Variants in GXYLT2 observed in about 807,000 individuals in gnomAD.
GXYLT2 encodes the protein glycosyltransferase 8 domain containing 4.
In GXYLT2, 53 loss-of-function variants were observed where a neutral mutation model predicts 45.8. The observed-to-expected ratio is 1.16, with a 90% CI of 0.93 to 1.46. The LOEUF (loss-of-function observed/expected upper bound fraction) is 1.46. GXYLT2 is among the 40% of genes most tolerant of loss of function. GXYLT2 has a pLI of 0.00. For missense variants in GXYLT2, 551 were observed against 544.4 expected (o/e 1.01, Z -0.12); for synonymous variants, 219 against 214.2 (o/e 1.02, Z -0.19).
chr3:72,926,611 C>T (rs891562953), intron 3 of GXYLT2, among the ~76,000 whole-genome samples: 2 of 152,140 alleles, frequency 1.3e-5, no homozygotes, highest in African/African-American at 4.8e-5. Flanking sequence ...TCACCTTTCC[C>T]CCAATTAATT....
chr3:72,946,268 C>A (rs1710402929), intron 3 of GXYLT2, among the ~76,000 whole-genome samples: 3 of 104,072 alleles, frequency 2.9e-5, no homozygotes, highest in Admixed American at 1.5e-4. Flanking sequence ...CAGAGCAAGA[C>A]CCTGTCTGAA....
At chr3:72,897,223 T>TA (rs948228229) in intron 1 of GXYLT2, among the ~76,000 whole-genome samples, 3 of 152,196 alleles carry the variant, frequency 2.0e-5, no homozygotes, top group Non-Finnish European at 4.4e-5. Context: ...AAAGGGGTTT[T>TA]AACTGGCTCA....
chr3:72,969,909 G>GAAA (rs113943491), intron 6 of GXYLT2, among the ~76,000 whole-genome samples: 10,816 of 103,082 alleles, frequency 0.1, 943 homozygotes, highest in African/African-American at 0.17. Context: ...ATGTGCATTT[G>GAAA]AAAAAAAAAA....
rs138459052 is a variant in GXYLT2, at chr3:72,924,731, T to C, written c.600+2396T>C. On this transcript the variant is annotated intron_variant, in intron 3 of 6. Transcript: ENST00000389617. The stretch of plus-strand genomic sequence containing the variant: ...CTTCATGATTGGCTCGTTGTAAGAG[T>C]TGAAGGGGGAGTGACATGAAAAGGA... Among the ~76,000 whole-genome samples the C allele has an allele frequency of 1.1e-3, 168 of 151,738 alleles. 2 individuals carry two copies. Among genetic ancestry groups the C allele is most frequent in the African/African-American group, 3.7e-3 (154 of 41,322 alleles).
At chr3:72,965,852 C>G (rs951263457) in intron 5 of GXYLT2, among the ~76,000 whole-genome samples, 3 of 152,228 alleles carry the variant, frequency 2.0e-5, no homozygotes, top group African/African-American at 4.8e-5. Flanking sequence ...TTTAGAGATA[C>G]AAACACACCT....
At chr3:72,933,645 G>A (rs1031489384) in intron 3 of GXYLT2, among the ~76,000 whole-genome samples, 12 of 151,760 alleles carry the variant, frequency 7.9e-5, no homozygotes, top group Non-Finnish European at 1.6e-4. Flanking sequence ...ACAGTGGCTC[G>A]TACCTGTAAT....
rs1006245882 is a variant in GXYLT2, at chr3:72,942,655, C to T, written c.601-12443C>T. Among the ~76,000 whole-genome samples, 7 of 151,856 alleles carry T rather than the reference C, an allele frequency of 4.6e-5. No individual in the cohort carries two copies. The South Asian group carries it at 1.2e-3, about 27-fold the overall frequency. On this transcript the variant is annotated intron_variant, in intron 3 of 6. Coordinates refer to ENST00000389617, the MANE Select transcript of GXYLT2 (RefSeq NM_001080393.2). ...TTCACCTCTGTTCTTCCCAATAAAG[C>T]ATAACCTCAATCTAAACATGCGAAA...
intron 2 of GXYLT2, among the ~76,000 whole-genome samples, chr3:72,909,262 G>A (rs1349711645): frequency 2.0e-5 from 3 of 150,536 alleles, no homozygotes; most frequent in Non-Finnish European, 4.4e-5. Flanking sequence ...AGAGATGGGG[G>A]TCTCACCATG....
intron 3 of GXYLT2, among the ~76,000 whole-genome samples, chr3:72,937,881 C>T (rs1710221236): frequency 6.6e-6 from 1 of 152,132 alleles, no homozygotes; most frequent in Admixed American, 6.6e-5. Flanking sequence ...CATATCCTAC[C>T]ATCTTCAAAG....
chr3:72,935,802 G>A (rs1452933242), intron 3 of GXYLT2, among the ~76,000 whole-genome samples: 1 of 152,132 alleles, frequency 6.6e-6, no homozygotes, highest in African/African-American at 2.4e-5. Flanking sequence ...TTTCAGATGT[G>A]CACCGCTTCA....
rs368358185 is a variant in GXYLT2 at position 72,975,032 on chromosome 3, T to C, written c.1205T>C (p.Phe402Ser). 35 of 1,611,546 alleles carry C rather than the reference T, an allele frequency of 2.2e-5. No homozygotes were observed. Among genetic ancestry groups the C allele is most frequent in the African/African-American group, 2.7e-5 (2 of 74,854 alleles). Residue 402 changes from phenylalanine (F) to serine (S), a missense_variant, in exon 7 of 7, where the codon TTT becomes TCT. Phe to Ser is a radical substitution (Grantham distance 155, BLOSUM62 -2). Transcript: ENST00000389617. ...QSMYYPLQLK[F>S]LETVHTLCGR... is the part of the protein sequence containing the mutation. ...ATGTATTACCCCCTTCAGCTGAAGT[T>C]TTTGGAGACTGTGCACACTTTATGT...
chr3:72,964,136 C>T (rs1710817110), intron 5 of GXYLT2, among the ~76,000 whole-genome samples: 1 of 151,836 alleles, frequency 6.6e-6, no homozygotes, highest in Non-Finnish European at 1.5e-5. Context: ...GCTGTTAAAT[C>T]GAGGTGAAAT....
intron 3 of GXYLT2, among the ~76,000 whole-genome samples, chr3:72,945,607 G>T (rs1295644145): frequency 1.3e-5 from 2 of 152,176 alleles, no homozygotes; most frequent in Non-Finnish European, 2.9e-5. Flanking sequence ...GAGCCCTCTG[G>T]GAAAATCTTT....
Position 72,967,554 on chromosome 3 carries a change from C to T in GXYLT2, c.984C>T (p.Leu328=). The T allele has an allele frequency of 6.2e-7, 1 of 1,613,412 alleles. No individual in the cohort carries two copies. ...TTCTCTTTTTACCACCAGAGTGTCT[C>T]TATGTATTCCCCTGCCAGTGGAACT... ...NIIFYFNPEC[L]YVFPCQWNYR... is the part of the protein sequence containing the mutation. Residue 328 remains leucine, a synonymous_variant, in exon 6 of 7, where the codon CTC becomes CTT. Coordinates refer to ENST00000389617, the MANE Select transcript of GXYLT2 (RefSeq NM_001080393.2).
chr3:72,898,888 T>C (rs933930412), intron 1 of GXYLT2, among the ~76,000 whole-genome samples: 1 of 152,140 alleles, frequency 6.6e-6, no homozygotes, highest in Admixed American at 6.6e-5. Flanking sequence ...TGTGCCACCA[T>C]GCCCGGCTAA....
intron 1 of GXYLT2, among the ~76,000 whole-genome samples, chr3:72,897,271 C>G (rs74781549): frequency 0.021 from 3,127 of 152,284 alleles, 115 homozygotes; most frequent in African/African-American, 0.07. Flanking sequence ...GCTTCAGTCG[C>G]AAGTGAAGCC....
rs200250227 is a variant in GXYLT2 at position 72,975,926 on chromosome 3, C to CTTTTT, written c.*786_*790dup. 1.6e-3 allele frequency: 197 copies of CTTTTT among 119,536 alleles called. No individual in the cohort carries two copies. The highest frequency in any genetic ancestry group is 4.8e-3 in the African/African-American group (147 of 30,600). The allele number at this position is 119,536 out of a possible 1,614,324, so 7.4% of individuals were successfully genotyped here. On this transcript the variant is annotated 3_prime_UTR_variant, in exon 7 of 7. Coordinates refer to ENST00000389617, the MANE Select transcript of GXYLT2 (RefSeq NM_001080393.2). The stretch of plus-strand genomic sequence containing the variant: ...GGGTATTTCTTCTTTTTCTTTCTTT[C>CTTTTT]TTTTTTTTTTTTTTTTTTTTTTTGA...
At chr3:72,963,082 A>G (rs1710798142) in intron 5 of GXYLT2, among the ~76,000 whole-genome samples, 1 of 152,070 alleles carries the variant, frequency 6.6e-6, no homozygotes, top group African/African-American at 2.4e-5. Context: ...GAGGCTGAGC[A>G]GGGAGTATTG....
chr3:72,965,930 CTTTTTGCTTTGGGG>C (rs2107153571), intron 5 of GXYLT2, among the ~76,000 whole-genome samples: 1 of 152,018 alleles, frequency 6.6e-6, no homozygotes, highest in Non-Finnish European at 1.5e-5. Context: ...TTTTTCTTTG[CTTTTTGCTTTGGGG>C]TTTTTCTCTT....
Sources: gnomAD v4.1 joint callset for allele counts (sites outside exome capture counted in the v4.1 genomes callset) on GRCh38, gnomAD v4.1.1 for gene constraint, MANE v1.5 for transcripts, NCBI Gene and HGNC (gene_info 2026-07-23, HGNC 2026-07-21) for gene names.